The following AUH variants were observed in gnomAD, a reference collection of about 807,000 sequenced individuals.
The protein encoded by AUH is methylglutaconyl-CoA hydratase, mitochondrial.
AUH carries 29 observed loss-of-function variants against 42.3 expected under a neutral mutation model. The observed-to-expected ratio is 0.69, with a 90% confidence interval of 0.51 to 0.93. AUH has a LOEUF of 0.93. AUH is among the 40% of genes least tolerant of loss of function. AUH has a pLI of 0.00. For missense variants in AUH, 452 were observed against 438.1 expected (o/e 1.03, Z -0.28); for synonymous variants, 174 against 166.4 (o/e 1.05, Z -0.35).
At chr9:91,303,706 A>G (rs573688248) in intron 4 of AUH, among the ~76,000 whole-genome samples, 1 of 152,362 alleles carries the variant, frequency 6.6e-6, no homozygotes, top group South Asian at 2.1e-4. Flanking sequence ...TTCAAGGGAA[A>G]GGCCCTATGT....
chr9:91,282,920 C>T lies in AUH; in HGVS notation c.655+13101G>A, dbSNP rs112256977. ...GGGTACCATTCCTTCTGAAACTATT[C>T]CAATCAACAGAAAAAGAGGGAATCT... On this transcript the variant is annotated intron_variant, in intron 6 of 9. Transcript: ENST00000375731. Among the ~76,000 whole-genome samples the T allele has an allele frequency of 1.6e-3, 245 of 152,232 alleles. 1 individual carries two copies. The highest frequency in any genetic ancestry group is 5.7e-3 in the African/African-American group (235 of 41,528).
intron 6 of AUH, among the ~76,000 whole-genome samples, chr9:91,259,600 T>A (rs1045114061): frequency 1.7e-4 from 26 of 152,192 alleles, no homozygotes; most frequent in Admixed American, 1.4e-3. Flanking sequence ...AGCATTGTTT[T>A]ATCTACATCC....
intron 6 of AUH, among the ~76,000 whole-genome samples, chr9:91,225,544 T>TA (rs1370096595): frequency 3.5e-3 from 531 of 151,964 alleles, no homozygotes; most frequent in Admixed American, 5.4e-3. Context: ...AGTTCTTTTT[T>TA]TTTATTATTA....
chr9:91,214,436 CA>C lies in AUH; in HGVS notation c.943-12del. ...TTTTGTTGGAATGGTCTAAGAAAAA[CA>C]AAATATTAAATATGTCAAAAATGTT... On this transcript the variant is annotated splice_polypyrimidine_tract_variant and intron_variant, in intron 9 of 9. Coordinates refer to ENST00000375731, the MANE Select transcript of AUH (RefSeq NM_001698.3). 1 of 1,588,284 alleles carries C rather than the reference CA, an allele frequency of 6.3e-7. No homozygotes were observed. The highest frequency in any genetic ancestry group is 1.1e-5 in the South Asian group (1 of 89,036).
chr9:91,275,687 C>T (rs1241360974), intron 6 of AUH, among the ~76,000 whole-genome samples: 1 of 152,206 alleles, frequency 6.6e-6, no homozygotes, highest in African/African-American at 2.4e-5. Context: ...AATCCCATAA[C>T]TTATCACCCA....
At chr9:91,311,570 TAG>T (rs750101107) in intron 4 of AUH, among the ~76,000 whole-genome samples, 11 of 152,374 alleles carry the variant, frequency 7.2e-5, no homozygotes, top group East Asian at 3.9e-4. Flanking sequence ...TCTATCCCTT[TAG>T]AGTTTCCACT....
In AUH at chr9:91,292,808, G is replaced by C. The variant is rs118063355; in HGVS notation, c.655+3213C>G. On this transcript the variant is annotated intron_variant, in intron 6 of 9. Transcript: ENST00000375731. ...AGGGCATACAGGCATACCTCATTTT[G>C]TCGTGCTTCCCTTTATTGTACTTCA... Among the ~76,000 whole-genome samples, 15 of 152,148 alleles carry C rather than the reference G, an allele frequency of 9.9e-5. No homozygotes were observed. The East Asian group carries it at 2.7e-3, about 27-fold the overall frequency.
At chr9:91,274,093 C>A (rs1825364773) in intron 6 of AUH, among the ~76,000 whole-genome samples, 1 of 151,786 alleles carries the variant, frequency 6.6e-6, no homozygotes, top group African/African-American at 2.4e-5. Flanking sequence ...CAAACTACAG[C>A]AACAAAAGAA....
At chr9:91,242,206 C>A (rs976492797) in intron 6 of AUH, among the ~76,000 whole-genome samples, 6 of 152,154 alleles carry the variant, frequency 3.9e-5, no homozygotes, top group African/African-American at 1.2e-4. Flanking sequence ...CCCATTGCTT[C>A]TAAGTCAACA....
chr9:91,287,797 T>C (rs1826534526), intron 6 of AUH, among the ~76,000 whole-genome samples: 1 of 152,066 alleles, frequency 6.6e-6, no homozygotes, highest in Admixed American at 6.6e-5. Context: ...TATTAAATAA[T>C]ATTACTAAAT....
At chr9:91,230,232 A>T (rs1403975528) in intron 6 of AUH, among the ~76,000 whole-genome samples, 1 of 151,898 alleles carries the variant, frequency 6.6e-6, no homozygotes, top group Non-Finnish European at 1.5e-5. Context: ...ATAGTCCCAT[A>T]TTTCTTGGAG....
rs113451739 is a variant in AUH, at chr9:91,281,956, G to A, written c.655+14065C>T. Among the ~76,000 whole-genome samples, 459 of 152,210 alleles carry A rather than the reference G, an allele frequency of 3.0e-3. 4 individuals are homozygous for A. The highest frequency in any genetic ancestry group is 0.01 in the African/African-American group (424 of 41,544). On this transcript the variant is annotated intron_variant, in intron 6 of 9. Coordinates refer to ENST00000375731, the MANE Select transcript of AUH (RefSeq NM_001698.3). ...TGAACCTTCAAATATCTAAGAGCAT[G>A]TCACAGCACGTCACACCTCTGCTGA...
At chr9:91,331,840 T>C (rs1385536419) in intron 3 of AUH, among the ~76,000 whole-genome samples, 1 of 152,216 alleles carries the variant, frequency 6.6e-6, no homozygotes, top group Non-Finnish European at 1.5e-5. Flanking sequence ...CACTGCATGA[T>C]GTCTAGCTTC....
At chr9:91,286,703 C>A (rs967132451) in intron 6 of AUH, among the ~76,000 whole-genome samples, 4 of 144,990 alleles carry the variant, frequency 2.8e-5, no homozygotes, top group African/African-American at 1.0e-4. Context: ...AAGACTCAGA[C>A]AATCGCCTGA....
intron 3 of AUH, among the ~76,000 whole-genome samples, chr9:91,354,344 C>A (rs930105977): frequency 6.6e-6 from 1 of 152,032 alleles, no homozygotes; most frequent in Non-Finnish European, 1.5e-5. Context: ...CCTGATTGTA[C>A]GAAAGTTTAA....
intron 6 of AUH, among the ~76,000 whole-genome samples, chr9:91,258,891 G>A (rs1324893456): frequency 2.0e-5 from 3 of 152,088 alleles, no homozygotes; most frequent in African/African-American, 7.2e-5. Context: ...TGGTTATGAT[G>A]TATTATCTTT....
chr9:91,338,973 T>C (rs1481998004), intron 3 of AUH, among the ~76,000 whole-genome samples: 1 of 152,158 alleles, frequency 6.6e-6, no homozygotes, highest in African/African-American at 2.4e-5. Flanking sequence ...TAATATTTCA[T>C]ATATCAAAAT....
intron 6 of AUH, among the ~76,000 whole-genome samples, chr9:91,270,264 T>A (rs373285149): frequency 1.3e-5 from 2 of 152,104 alleles, no homozygotes; most frequent in Non-Finnish European, 2.9e-5. Flanking sequence ...CACATCTCCA[T>A]GGAGACTTCC....
chr9:91,328,489 T>C (rs1412070897), intron 3 of AUH, among the ~76,000 whole-genome samples: 2 of 152,142 alleles, frequency 1.3e-5, no homozygotes, highest in Admixed American at 6.5e-5. Flanking sequence ...TACACTGAGT[T>C]ATAAACTGGT....
Sources: gnomAD v4.1 joint callset for allele counts (sites outside exome capture counted in the v4.1 genomes callset) on GRCh38, gnomAD v4.1.1 for gene constraint, MANE v1.5 for transcripts, NCBI Gene and HGNC (gene_info 2026-07-23, HGNC 2026-07-21) for gene names.